The following PARN variants were observed in gnomAD, a reference collection of about 807,000 sequenced individuals.
The protein encoded by PARN is poly(A)-specific ribonuclease.
PARN carries 71 observed loss-of-function variants against 102.8 expected under a neutral mutation model. The observed-to-expected ratio is 0.69, with a 90% CI of 0.57 to 0.84. The LOEUF is 0.84. Ranked by LOEUF, PARN falls within the 40% of genes least tolerant of loss-of-function variation. The pLI is 0.00. For synonymous variants in PARN, 261 were observed against 252.9 expected (o/e 1.03, Z -0.30); for missense variants, 782 against 760.9 (o/e 1.03, Z -0.33).
intron 12 of PARN, among the ~76,000 whole-genome samples, chr16:14,593,676 A>C (rs1197364767): frequency 6.6e-6 from 1 of 152,046 alleles, no homozygotes; most frequent in East Asian, 1.9e-4. Context: ...CAGAAGTAGT[A>C]AAATTTTGAT....
At chr16:14,624,493 G>A (rs1270239221) in intron 5 of PARN, among the ~76,000 whole-genome samples, 1 of 152,120 alleles carries the variant, frequency 6.6e-6, no homozygotes, top group Non-Finnish European at 1.5e-5. Context: ...TTTTTTTAAA[G>A]GAGTGGCTGG....
chr16:14,576,502 C>T (rs752905807), intron 18 of PARN, among the ~76,000 whole-genome samples: 1 of 152,196 alleles, frequency 6.6e-6, no homozygotes, highest in African/African-American at 2.4e-5. Flanking sequence ...ATAAGGCAAA[C>T]GTCTGATTTT....
At chr16:14,493,152 AATTG>A (rs1334355714) in intron 21 of PARN, among the ~76,000 whole-genome samples, 2 of 152,204 alleles carry the variant, frequency 1.3e-5, no homozygotes, top group African/African-American at 4.8e-5. Flanking sequence ...AAAATTAGTT[AATTG>A]ATTTTCTCCC....
Position 14,527,864 on chromosome 16 carries a change from G to A in PARN, c.1480+24157C>T, listed in dbSNP as rs78268012. ...AACAAAAAACTGGCACTAAAAGCCT[G>A]TGAAAAGGAGCCGTGTTTACAGCCC... On this transcript the variant is annotated intron_variant, in intron 21 of 23. Transcript: ENST00000437198. 5.8e-3 allele frequency among the ~76,000 whole-genome samples: 889 copies of A among 152,308 alleles called. 59 individuals carry two copies. In the East Asian group the frequency reaches 0.13, roughly 23 times the overall value.
chr16:14,551,311 G>A (rs1332634771), intron 21 of PARN, among the ~76,000 whole-genome samples: 16 of 151,718 alleles, frequency 1.1e-4, no homozygotes, highest in Admixed American at 8.5e-4. Flanking sequence ...GCTCATGCCT[G>A]TAATCCCAGC....
chr16:14,586,485 C>T (rs964986376), intron 13 of PARN, 124 bp from the exon 14 acceptor site: 1 of 592,300 alleles, frequency 1.7e-6, no homozygotes, highest in African/African-American at 1.9e-5. Flanking sequence ...TTAAGCTAAA[C>T]TACAAAACCC....
At chr16:14,587,504 T>G (rs984031076) in intron 13 of PARN, among the ~76,000 whole-genome samples, 1 of 152,168 alleles carries the variant, frequency 6.6e-6, no homozygotes, top group Non-Finnish European at 1.5e-5. Context: ...ATGTAAAAGC[T>G]CTACCTTTTT....
chr16:14,472,313 T>C (rs1047713947), intron 22 of PARN, among the ~76,000 whole-genome samples: 16 of 152,222 alleles, frequency 1.1e-4, no homozygotes, highest in Admixed American at 2.0e-4. Flanking sequence ...GCTGAATATT[T>C]ACTTGAATAT....
chr16:14,440,140 A>C (rs1193075271), intron 23 of PARN, among the ~76,000 whole-genome samples: 1 of 152,222 alleles, frequency 6.6e-6, no homozygotes, highest in Non-Finnish European at 1.5e-5. Context: ...ATCTATAAAG[A>C]ACTCTCAAAA....
intron 21 of PARN, among the ~76,000 whole-genome samples, 182 bp downstream of exon 21, chr16:14,551,839 T>C (rs1256921695): frequency 6.6e-6 from 1 of 152,224 alleles, no homozygotes; most frequent in African/African-American, 2.4e-5. Flanking sequence ...AGATTTGTCT[T>C]ATTTTCTCAT....
At chr16:14,587,938 G>C (rs949422753) in intron 13 of PARN, among the ~76,000 whole-genome samples, 1 of 152,154 alleles carries the variant, frequency 6.6e-6, no homozygotes, top group African/African-American at 2.4e-5. Context: ...CTGCTTACAC[G>C]CAATGTGTTA....
At chr16:14,436,845 GCAGA>G (rs946724570) in intron 23 of PARN, 73 bp from the exon 24 acceptor site, 5 of 1,113,886 alleles carry the variant, frequency 4.5e-6, no homozygotes, top group African/African-American at 1.5e-5. Context: ...GACATGACCA[GCAGA>G]CAGACAGAGG....
At chr16:14,466,396 T>A (rs1962355368) in intron 22 of PARN, among the ~76,000 whole-genome samples, 1 of 152,220 alleles carries the variant, frequency 6.6e-6, no homozygotes, top group Non-Finnish European at 1.5e-5. Context: ...AAATCACTAC[T>A]GCGATGTTAA....
intron 21 of PARN, among the ~76,000 whole-genome samples, chr16:14,551,665 G>A (rs1567375795): frequency 1.3e-5 from 2 of 151,192 alleles, no homozygotes; most frequent in African/African-American, 2.4e-5. Flanking sequence ...CAAATGGGGG[G>A]AAAGTACAGA....
chr16:14,517,937 G>A (rs573388312), intron 21 of PARN, among the ~76,000 whole-genome samples: 1 of 152,130 alleles, frequency 6.6e-6, no homozygotes, highest in African/African-American at 2.4e-5. Context: ...AAAGTGCTGA[G>A]ATTACAGGCA....
At chr16:14,451,187 A>T (rs1378562012) in intron 22 of PARN, among the ~76,000 whole-genome samples, 1 of 151,986 alleles carries the variant, frequency 6.6e-6, no homozygotes, top group Non-Finnish European at 1.5e-5. Context: ...AATACATCCC[A>T]CACTGCCCAT....
intron 21 of PARN, among the ~76,000 whole-genome samples, chr16:14,492,561 T>C (rs1164925623): frequency 1.3e-5 from 2 of 152,108 alleles, no homozygotes; most frequent in Middle Eastern, 3.2e-3. Context: ...TGATCTTGGT[T>C]CTGTTACCTA....
intron 18 of PARN, among the ~76,000 whole-genome samples, chr16:14,576,792 A>T (rs1969169734): frequency 6.6e-6 from 1 of 152,170 alleles, no homozygotes; most frequent in Non-Finnish European, 1.5e-5. Context: ...AAAAGCAAGG[A>T]GGACTATGGG....
chr16:14,625,547 C>T (rs182511659), intron 5 of PARN, among the ~76,000 whole-genome samples: 2 of 152,234 alleles, frequency 1.3e-5, no homozygotes, highest in African/African-American at 4.8e-5. Context: ...GTATCCCATA[C>T]CACGGTGATT....
Sources: gnomAD v4.1 joint callset for allele counts (sites outside exome capture counted in the v4.1 genomes callset) on GRCh38, gnomAD v4.1.1 for gene constraint, MANE v1.5 for transcripts, NCBI Gene and HGNC (gene_info 2026-07-23, HGNC 2026-07-21) for gene names.